Variants in CTTNBP2NL observed in about 807,000 individuals in gnomAD.
CTTNBP2NL encodes the protein CTTNBP2 N-terminal like, also known as CTTNBP2 N-terminal-like protein.
In CTTNBP2NL, 16 loss-of-function variants were observed where a neutral mutation model predicts 32.5. That is an observed-to-expected ratio of 0.49 (90% CI 0.33 to 0.75). The LOEUF (loss-of-function observed/expected upper bound fraction) is 0.75, where lower values mean the gene tolerates loss of function less well. Ranked by LOEUF, CTTNBP2NL falls within the 30% of genes least tolerant of loss-of-function variation. CTTNBP2NL has a pLI of 0.02. For synonymous variants in CTTNBP2NL, 298 were observed against 289.4 expected (o/e 1.03, Z -0.30); for missense variants, 645 against 756.0 (o/e 0.85, Z 1.72).
intron 2 of CTTNBP2NL, among the ~76,000 whole-genome samples, chr1:112,414,031 A>G (rs1648978573): frequency 1.3e-5 from 2 of 150,790 alleles, no homozygotes; most frequent in Non-Finnish European, 3.0e-5. Context: ...CTGGGCAACA[A>G]GAGCAAAACT....
rs1283717243 is a variant in CTTNBP2NL, at chr1:112,459,013, C to G, written c.*1601C>G. 1.3e-5 allele frequency: 2 copies of G among 152,148 alleles called. No homozygotes were observed. The highest frequency in any genetic ancestry group is 6.5e-5 in the Admixed American group (1 of 15,274). 9.4% of individuals were successfully genotyped at this position (152,148 alleles called of 1,614,324 possible). A position where few individuals can be genotyped will look rare whatever the true frequency, so the allele number is the denominator to read the frequency against. On this transcript the variant is annotated 3_prime_UTR_variant, in exon 6 of 6. Transcript: ENST00000271277. The stretch of plus-strand genomic sequence containing the variant: ...CTTGCTGCGGTGCAAGAATGCTAAA[C>G]CAGGATTACCAGTTCTTCACATTTT...
At chr1:112,402,043 A>T (rs938555504) in intron 1 of CTTNBP2NL, among the ~76,000 whole-genome samples, 6 of 152,208 alleles carry the variant, frequency 3.9e-5, no homozygotes, top group African/African-American at 1.4e-4. Context: ...CTTCGGGAGC[A>T]TCTGCGTAGA....
At chr1:112,452,206 C>G (rs1446833477) in intron 4 of CTTNBP2NL, among the ~76,000 whole-genome samples, 2 of 151,884 alleles carry the variant, frequency 1.3e-5, no homozygotes, top group Non-Finnish European at 2.9e-5. Flanking sequence ...GTTGCCTGGG[C>G]GGGAGTACAG....
At chr1:112,422,619 C>T (rs983758913) in intron 3 of CTTNBP2NL, among the ~76,000 whole-genome samples, 1 of 152,168 alleles carries the variant, frequency 6.6e-6, no homozygotes, top group Non-Finnish European at 1.5e-5. Context: ...TATCCAGTTG[C>T]TGCACATCCT....
rs983212175 is a variant in CTTNBP2NL at position 112,416,099 on chromosome 1, T to C, written c.-9-58T>C. On this transcript the variant is annotated intron_variant, in intron 2 of 5. Transcript: ENST00000271277. ...CTTATCTCTCACTTTATTTTTTCTT[T>C]AATTGTATCAAATTAACTATGTCTT... 31 of 892,304 alleles carry C rather than the reference T, an allele frequency of 3.5e-5. 1 individual carries two copies. The highest frequency in any genetic ancestry group is 5.1e-5 in the Non-Finnish European group (28 of 548,276). 55.3% of individuals were successfully genotyped at this position (892,304 alleles called of 1,614,324 possible).
rs1449968878 is a variant in CTTNBP2NL, at chr1:112,416,208, T to C, written c.43T>C (p.Phe15Leu). 1.9e-5 allele frequency: 31 copies of C among 1,609,052 alleles called. No homozygotes were observed. Among genetic ancestry groups the C allele is most frequent in the Non-Finnish European group, 2.6e-5 (31 of 1,178,142 alleles). The change falls in exon 3 of 6, where the codon TTT becomes CTT. Residue 15 changes from phenylalanine (F) to leucine (L), a missense_variant. Transcript: ENST00000271277. The stretch of plus-strand genomic sequence containing the variant: ...CAGCAAGCCTGAACTCCTGACACTA[T>C]TTAGTATTCTTGAAGGAGAGCTTGA... Reference protein sequence around the residue: ...KLSKPELLTLFSILEGELEAR... With the variant: ...KLSKPELLTLLSILEGELEAR...
At chr1:112,417,341 A>G (rs1649095894) in intron 3 of CTTNBP2NL, among the ~76,000 whole-genome samples, 1 of 152,360 alleles carries the variant, frequency 6.6e-6, no homozygotes, top group African/African-American at 2.4e-5. Flanking sequence ...AAAGATTACT[A>G]TAATACTTCT....
At chr1:112,435,135 T>C (rs1649692599) in intron 3 of CTTNBP2NL, among the ~76,000 whole-genome samples, 1 of 104,506 alleles carries the variant, frequency 9.6e-6, no homozygotes. Context: ...AGAGCAAGAC[T>C]CTGTCTCAAA....
intron 1 of CTTNBP2NL, among the ~76,000 whole-genome samples, chr1:112,399,781 A>G (rs1335988055): frequency 6.6e-6 from 1 of 152,128 alleles, no homozygotes; most frequent in African/African-American, 2.4e-5. Context: ...AAATTTCTGA[A>G]TATTTGGCCG....
upstream of CTTNBP2NL, among the ~76,000 whole-genome samples, chr1:112,392,480 A>G (rs1194990141): frequency 6.6e-6 from 1 of 152,184 alleles, no homozygotes; most frequent in Non-Finnish European, 1.5e-5. Flanking sequence ...GTTAAGTGAG[A>G]AGGTTACTTT....
At chr1:112,429,437 A>G (rs983025271) in intron 3 of CTTNBP2NL, among the ~76,000 whole-genome samples, 5 of 152,218 alleles carry the variant, frequency 3.3e-5, no homozygotes, top group Non-Finnish European at 7.3e-5. Flanking sequence ...ACTTGAGGTC[A>G]GAAGTTCCAA....
intron 1 of CTTNBP2NL, among the ~76,000 whole-genome samples, chr1:112,407,119 C>T (rs1476347830): frequency 6.6e-6 from 1 of 152,040 alleles, no homozygotes; most frequent in East Asian, 1.9e-4. Flanking sequence ...TATAATATGG[C>T]TGGGAAAAAA....
chr1:112,439,535 C>G (rs1445495431), intron 3 of CTTNBP2NL, among the ~76,000 whole-genome samples: 1 of 152,166 alleles, frequency 6.6e-6, no homozygotes, highest in East Asian at 1.9e-4. Flanking sequence ...ATGAAGATAT[C>G]CTTTCACATC....
rs146215283 is a variant in CTTNBP2NL, at chr1:112,449,175, A to G, written c.330+3A>G. The stretch of plus-strand genomic sequence containing the variant: ...CTGCTGAGAGCAGGCACCGAAAGGT[A>G]GGTTCACCTCAGTTGATGTGTAAAT... On this transcript the variant is annotated splice_donor_region_variant and intron_variant, in intron 4 of 5. Coordinates refer to ENST00000271277, the MANE Select transcript of CTTNBP2NL (RefSeq NM_018704.3). The G allele has an allele frequency of 1.3e-4, 200 of 1,556,494 alleles. No individual in the cohort carries two copies. The East Asian group carries it at 4.0e-3, about 31-fold the overall frequency.
upstream of CTTNBP2NL, among the ~76,000 whole-genome samples, chr1:112,394,023 T>A (rs1648246603): frequency 6.6e-6 from 1 of 152,018 alleles, no homozygotes; most frequent in African/African-American, 2.4e-5. Flanking sequence ...CTGGCCAACA[T>A]GGCAAAACCC....
intron 3 of CTTNBP2NL, among the ~76,000 whole-genome samples, chr1:112,442,614 GATTTCAGTTTCATTAGAAC>G (rs1229061387): frequency 6.6e-6 from 1 of 151,550 alleles, no homozygotes; most frequent in Non-Finnish European, 1.5e-5. Flanking sequence ...CAACACATTT[GATTTCAGTTTCATTAGAAC>G]ATTTCACAGG....
chr1:112,395,973 G>C (rs114283498), upstream of CTTNBP2NL, among the ~76,000 whole-genome samples: 2 of 152,202 alleles, frequency 1.3e-5, no homozygotes, highest in African/African-American at 2.4e-5. Flanking sequence ...GGAGGGGCGC[G>C]AGCCCACCCT....
chr1:112,402,216 C>G lies in CTTNBP2NL; in HGVS notation c.-134+5944C>G, dbSNP rs533941494. Among the ~76,000 whole-genome samples the G allele has an allele frequency of 9.2e-5, 14 of 152,138 alleles. No individual in the cohort carries two copies. In the South Asian group the frequency reaches 1.5e-3, roughly 16 times the overall value. The stretch of plus-strand genomic sequence containing the variant: ...GGTGGATCACCTGAGGCTGGGAGTT[C>G]AAGACCAGCCTGACCAACATGGAGA... On this transcript the variant is annotated intron_variant, in intron 1 of 5. Transcript: ENST00000271277.
chr1:112,410,674 G>C (rs1344461137), intron 1 of CTTNBP2NL, among the ~76,000 whole-genome samples: 2 of 152,182 alleles, frequency 1.3e-5, no homozygotes, highest in African/African-American at 4.8e-5. Flanking sequence ...AGGAAAGTTG[G>C]GTCTTGGAAG....
Sources: allele counts gnomAD v4.1 joint callset (sites outside exome capture counted in the v4.1 genomes callset), GRCh38; gene constraint gnomAD v4.1.1; transcripts MANE v1.5; gene names NCBI Gene and HGNC (gene_info 2026-07-23, HGNC 2026-07-21).